The following DR1 variants were observed in gnomAD, a reference collection of about 807,000 sequenced individuals.
The protein encoded by DR1 is down-regulator of transcription 1.
DR1 carries 7 observed loss-of-function variants against 19.9 expected under a neutral mutation model. That is an observed-to-expected ratio of 0.35 (90% CI 0.20 to 0.66). The LOEUF is 0.66. Ranked by LOEUF, DR1 falls within the 30% of genes least tolerant of loss-of-function variation. The pLI, the probability that DR1 is intolerant of heterozygous loss-of-function variation, is 0.66. For missense variants in DR1, 98 were observed against 203.7 expected (o/e 0.48, Z 3.16); for synonymous variants, 76 against 72.5 (o/e 1.05, Z -0.24).
At chr1:93,359,553 A>G (rs575705776) in intron 2 of DR1, among the ~76,000 whole-genome samples, 1 of 152,300 alleles carries the variant, frequency 6.6e-6, no homozygotes, top group East Asian at 1.9e-4. Context: ...CATAAAGGGG[A>G]GGGTCTGAGT....
rs969513832 is a variant in DR1 at position 93,346,086 on chromosome 1, A to AGCAGCG, written c.-539_-534dup. 1.2e-3 allele frequency: 245 copies of AGCAGCG among 210,294 alleles called. 1 individual carries two copies. Among genetic ancestry groups the AGCAGCG allele is most frequent in the Non-Finnish European group, 1.2e-3 (123 of 106,194 alleles). 13.0% of individuals were successfully genotyped at this position (210,294 alleles called of 1,614,324 possible). A position where few individuals can be genotyped will look rare whatever the true frequency, so the allele number is the denominator to read the frequency against. On this transcript the variant is annotated 5_prime_UTR_variant, in exon 1 of 3. Coordinates refer to ENST00000370272, the MANE Select transcript of DR1 (RefSeq NM_001938.3). ...GTTCCCAGGCGGCCGTCGCCGTTCC[A>AGCAGCG]GCAGCGGCAGCGGCAGCGGCAGCGG...
intron 2 of DR1, among the ~76,000 whole-genome samples, chr1:93,358,369 G>A (rs1667015355): frequency 6.6e-6 from 1 of 152,130 alleles, no homozygotes; most frequent in South Asian, 2.1e-4. Context: ...AAGAGAAAGG[G>A]TTTTCTCTTA....
rs1163082408 is a variant in DR1, at chr1:93,363,129, T to C, written c.*2490T>C. On this transcript the variant is annotated 3_prime_UTR_variant, in exon 3 of 3. Coordinates refer to ENST00000370272, the MANE Select transcript of DR1 (RefSeq NM_001938.3). ...AATTAAACAAACTCACATACTAGTCTTCAGATCAAAACACAGAGCATTATG... is the reference window on the plus strand; with the variant it reads ...AATTAAACAAACTCACATACTAGTCCTCAGATCAAAACACAGAGCATTATG... 1 of 152,100 alleles carries C rather than the reference T, an allele frequency of 6.6e-6. No individual in the cohort carries two copies. The highest frequency in any genetic ancestry group is 1.5e-5 in the Non-Finnish European group (1 of 68,006). The allele number at this position is 152,100 out of a possible 1,614,324, so 9.4% of individuals were successfully genotyped here.
chr1:93,346,720 T>C lies in DR1; in HGVS notation c.75T>C (p.Thr25=), dbSNP rs568337313. 3 of 1,614,044 alleles carry C rather than the reference T, an allele frequency of 1.9e-6. No homozygotes were observed. In the African/African-American group the frequency reaches 4.0e-5, roughly 22 times the overall value. ...RAAINKMIKE[T]LPNVRVANDA... is the part of the protein sequence containing the mutation. ...CTATCAATAAAATGATCAAAGAGAC[T>C]CTTCCTAATGTCCGGGTGGCCAACG... Residue 25 remains threonine (T), a synonymous_variant, in exon 1 of 3, where the codon ACT becomes ACC. Transcript: ENST00000370272.
At chr1:93,359,301 T>C (rs1351246450) in intron 2 of DR1, among the ~76,000 whole-genome samples, 3 of 152,202 alleles carry the variant, frequency 2.0e-5, no homozygotes, top group East Asian at 1.9e-4. Context: ...CTGTAGCATG[T>C]TCATTCAGAA....
At chr1:93,349,048 A>G (rs575493227) in intron 1 of DR1, among the ~76,000 whole-genome samples, 1 of 152,226 alleles carries the variant, frequency 6.6e-6, no homozygotes, top group South Asian at 2.1e-4. Flanking sequence ...TAAGTAATGT[A>G]CATTTTAAAG....
chr1:93,354,192 T>A, intron 2 of DR1, 121 bp downstream of exon 2: 1 of 1,007,726 alleles, frequency 9.9e-7, no homozygotes, highest in Non-Finnish European at 1.4e-6. Flanking sequence ...GATTATAGAT[T>A]CTGGTGTTCA....
intron 1 of DR1, 109 bp downstream of exon 1, chr1:93,346,974 T>G: frequency 9.7e-7 from 1 of 1,027,112 alleles, no homozygotes. Flanking sequence ...GTAAGTAACT[T>G]AATGAAAAAG....
intron 1 of DR1, among the ~76,000 whole-genome samples, chr1:93,353,495 T>C (rs530148143): frequency 2.9e-4 from 44 of 152,346 alleles, no homozygotes; most frequent in African/African-American, 9.6e-4. Flanking sequence ...TCTTTTATTC[T>C]GTCCTACCAG....
chr1:93,347,091 C>T (rs1050402435), intron 1 of DR1, among the ~76,000 whole-genome samples: 1 of 152,226 alleles, frequency 6.6e-6, no homozygotes, highest in Non-Finnish European at 1.5e-5. Flanking sequence ...ACATTTAGGT[C>T]AGCGTCCCCA....
intron 1 of DR1, among the ~76,000 whole-genome samples, chr1:93,351,436 C>CTTTTTTTTTTTT: frequency 9.6e-6 from 1 of 103,844 alleles, no homozygotes; most frequent in Non-Finnish European, 1.9e-5. Context: ...GATTTTCTTT[C>CTTTTTTTTTTTT]TTTTTTTTTT....
chr1:93,350,505 G>T (rs1666902079), intron 1 of DR1, among the ~76,000 whole-genome samples: 1 of 152,130 alleles, frequency 6.6e-6, no homozygotes. Flanking sequence ...TTTTACAAAT[G>T]AAAAACATGT....
chr1:93,363,942 A>G lies in DR1; in HGVS notation c.*3303A>G. 6.6e-6 allele frequency: 1 copy of G among 152,234 alleles called. No homozygotes were observed. Among genetic ancestry groups the G allele is most frequent in the East Asian group, 1.9e-4 (1 of 5,204 alleles). 9.4% of individuals were successfully genotyped at this position (152,234 alleles called of 1,614,324 possible). On this transcript the variant is annotated 3_prime_UTR_variant, in exon 3 of 3. Transcript: ENST00000370272. ...TTTTCAATTCTGAGCTATTATGAAT[A>G]GTACTGTGTAGAACATTCTTATACA...
chr1:93,352,891 ATTTTTTT>A (rs66850500), intron 1 of DR1, among the ~76,000 whole-genome samples: 24 of 139,490 alleles, frequency 1.7e-4, no homozygotes, highest in Admixed American at 5.0e-4. Context: ...GGGTGTGTGA[ATTTTTTT>A]TTTTTTTTTT....
At chr1:93,356,432 A>C (rs756210285) in intron 2 of DR1, among the ~76,000 whole-genome samples, 3 of 152,042 alleles carry the variant, frequency 2.0e-5, no homozygotes, top group Admixed American at 6.5e-5. Context: ...AAGGCATAGA[A>C]ATGTTTTTAT....
At position 93,368,823 on chromosome 1, in the gene DR1, C is replaced by T. The variant is rs750747520; in HGVS notation, c.*8184C>T. ...TATACTAGTAGCCCTTACAAAATTT[C>T]GTCTGTCTTTATTATAAACATGTTG... On this transcript the variant is annotated 3_prime_UTR_variant, in exon 3 of 3. Coordinates refer to ENST00000370272, the MANE Select transcript of DR1 (RefSeq NM_001938.3). 2.0e-5 allele frequency: 3 copies of T among 152,014 alleles called. No homozygotes were observed. The highest frequency in any genetic ancestry group is 3.8e-4 in the East Asian group (2 of 5,196). The allele number at this position is 152,014 out of a possible 1,614,324, so 9.4% of individuals were successfully genotyped here.
intron 1 of DR1, among the ~76,000 whole-genome samples, chr1:93,351,915 T>C (rs1444270183): frequency 6.6e-6 from 1 of 152,174 alleles, no homozygotes; most frequent in Non-Finnish European, 1.5e-5. Context: ...CTTATGAGGG[T>C]ACTCTTTTAA....
chr1:93,346,113 G>C lies in DR1; in HGVS notation c.-533G>C. 4.7e-6 allele frequency: 1 copy of C among 210,740 alleles called. No homozygotes were observed. Among genetic ancestry groups the C allele is most frequent in the Non-Finnish European group, 9.4e-6 (1 of 106,194 alleles). The allele number at this position is 210,740 out of a possible 1,614,324, so 13.1% of individuals were successfully genotyped here. On this transcript the variant is annotated 5_prime_UTR_variant, in exon 1 of 3. Transcript: ENST00000370272. ...CAGCGGCAGCGGCAGCGGCAGCGGC[G>C]GACATGTTGTGAGGCGGCGGCGCGG...
intron 1 of DR1, among the ~76,000 whole-genome samples, chr1:93,352,005 G>A (rs958142685): frequency 6.6e-6 from 1 of 152,090 alleles, no homozygotes; most frequent in South Asian, 2.1e-4. Flanking sequence ...ACTGTCAAAC[G>A]CCTTATATTA....
Sources: allele counts gnomAD v4.1 joint callset (sites outside exome capture counted in the v4.1 genomes callset), GRCh38; gene constraint gnomAD v4.1.1; transcripts MANE v1.5; gene names NCBI Gene and HGNC (gene_info 2026-07-23, HGNC 2026-07-21).